ADRA1B: variants seen among roughly 807,000 people sequenced by gnomAD.
The protein encoded by ADRA1B is adrenoceptor alpha 1B, also known as alpha-1B adrenergic receptor.
ADRA1B carries 17 observed loss-of-function variants against 17.9 expected under a neutral mutation model. That is an observed-to-expected ratio of 0.95 (90% CI 0.65 to 1.42). The LOEUF is 1.42. Ranked by LOEUF, ADRA1B falls within the 40% of genes most tolerant of loss-of-function variation. The pLI, the probability that ADRA1B is intolerant of heterozygous loss-of-function variation, is 0.00. For missense variants in ADRA1B, 681 were observed against 722.1 expected, an observed-to-expected ratio of 0.94 and a Z score of 0.65; for synonymous variants, 366 against 327.6, an observed-to-expected ratio of 1.12 and a Z score of -1.27.
chr5:159,972,376 G>C lies in ADRA1B; in HGVS notation c.1447G>C (p.Glu483Gln). The change falls in exon 2 of 2, where the codon GAG becomes CAG. Residue 483 changes from glutamate (E) to glutamine (Q), a missense_variant. Glu to Gln is a conservative substitution (Grantham distance 29). This residue lies in a region of ADRA1B where 251 missense variants were observed against 224.9 expected (regional missense o/e 1.12). Coordinates refer to ENST00000306675, the MANE Select transcript of ADRA1B (RefSeq NM_000679.4). ...CACCTTCAAGCTCCTGACCGAGCCC[G>C]AGAGCCCCGGGACCGACGGCGGCGC... is the stretch of plus-strand genomic sequence containing the variant. ...LFTFKLLTEP[E>Q]SPGTDGGASN... 6.6e-7 allele frequency: 1 copy of C among 1,512,152 alleles called. No homozygotes were observed. The highest frequency in any genetic ancestry group is 8.8e-7 in the Non-Finnish European group (1 of 1,136,658). 93.7% of individuals were successfully genotyped at this position (1,512,152 alleles called of 1,614,324 possible).
At chr5:159,981,017 T>TG in the ADRA1B span, among the ~76,000 whole-genome samples, 383 of 152,232 alleles carry the variant, frequency 2.5e-3, no homozygotes, top group Non-Finnish European at 4.5e-3. Flanking sequence ...GAGCAAATGT[T>TG]GGGGGCAAAA....
At chr5:159,878,667 T>G (rs1398566053) in intron 1 of ADRA1B, among the ~76,000 whole-genome samples, 1 of 152,144 alleles carries the variant, frequency 6.6e-6, no homozygotes, top group African/African-American at 2.4e-5. Flanking sequence ...AAACTGAGGC[T>G]TGGAGAGATT....
intron 1 of ADRA1B, among the ~76,000 whole-genome samples, chr5:159,880,811 T>C (rs889492197): frequency 2.0e-5 from 3 of 152,188 alleles, no homozygotes; most frequent in African/African-American, 7.2e-5. Flanking sequence ...AGCCAGGCCA[T>C]TCCACACTTG....
chr5:159,866,166 C>T (rs1373324470), intron 1 of ADRA1B, among the ~76,000 whole-genome samples: 4 of 151,810 alleles, frequency 2.6e-5, no homozygotes, highest in Non-Finnish European at 5.9e-5. Context: ...ATTAGCCACC[C>T]ATGGTGGTTT....
chr5:159,928,474 C>A (rs771413071), intron 1 of ADRA1B, among the ~76,000 whole-genome samples: 1 of 152,162 alleles, frequency 6.6e-6, no homozygotes, highest in Non-Finnish European at 1.5e-5. Context: ...GTTGCACCAA[C>A]GAGCAGTTCA....
upstream of ADRA1B, among the ~76,000 whole-genome samples, chr5:159,915,710 C>G (rs1360851711): frequency 1.3e-5 from 2 of 152,212 alleles, no homozygotes; most frequent in African/African-American, 4.8e-5. Flanking sequence ...ACCCACTTAA[C>G]ATTTCAAATC....
At chr5:159,899,279 G>GAAGGAAGGAAGGAAGGAAGA (rs1754073192) in intron 1 of ADRA1B, among the ~76,000 whole-genome samples, 8 of 138,738 alleles carry the variant, frequency 5.8e-5, no homozygotes, top group African/African-American at 2.3e-4. Flanking sequence ...AGGAAGGAAG[G>GAAGGAAGGAAGGAAGGAAGA]AAGGAAGGAA....
At chr5:159,918,665 A>C (rs1346138283) in intron 1 of ADRA1B, among the ~76,000 whole-genome samples, 3 of 152,200 alleles carry the variant, frequency 2.0e-5, no homozygotes, top group Non-Finnish European at 4.4e-5. Context: ...CTCTTATGAA[A>C]ACATGTTCGT....
upstream of ADRA1B, among the ~76,000 whole-genome samples, chr5:159,914,425 G>A (rs1338119030): frequency 6.6e-6 from 1 of 152,212 alleles, no homozygotes; most frequent in African/African-American, 2.4e-5. Flanking sequence ...AACACAGGAA[G>A]ATAAGCAAAC....
intron 1 of ADRA1B, among the ~76,000 whole-genome samples, chr5:159,928,726 C>A (rs903823597): frequency 6.6e-6 from 1 of 152,120 alleles, no homozygotes; most frequent in Non-Finnish European, 1.5e-5. Flanking sequence ...GCACCCTGGC[C>A]GTGCCCCAAA....
chr5:159,900,936 G>A (rs1321970968), intron 1 of ADRA1B, among the ~76,000 whole-genome samples: 1 of 152,152 alleles, frequency 6.6e-6, no homozygotes, highest in Non-Finnish European at 1.5e-5. Context: ...GGTTTGAGAA[G>A]AATAATGAAA....
At chr5:159,960,487 T>C (rs997239487) in intron 1 of ADRA1B, among the ~76,000 whole-genome samples, 2 of 152,172 alleles carry the variant, frequency 1.3e-5, no homozygotes, top group Non-Finnish European at 2.9e-5. Flanking sequence ...AAATAGTTCT[T>C]AAAAGTAAAA....
chr5:159,908,710 G>T (rs1754193314), intron 1 of ADRA1B, among the ~76,000 whole-genome samples: 1 of 152,216 alleles, frequency 6.6e-6, no homozygotes, highest in South Asian at 2.1e-4. Flanking sequence ...CGGAAGTGTT[G>T]TTCGGAGAAT....
At chr5:159,935,216 T>A (rs1347563782) in intron 1 of ADRA1B, among the ~76,000 whole-genome samples, 3 of 152,184 alleles carry the variant, frequency 2.0e-5, no homozygotes, top group African/African-American at 4.8e-5. Context: ...AAGCTAAAGT[T>A]TTTTTAGAGT....
intron 1 of ADRA1B, among the ~76,000 whole-genome samples, chr5:159,965,937 G>A (rs910681198): frequency 6.6e-6 from 1 of 152,040 alleles, no homozygotes; most frequent in Non-Finnish European, 1.5e-5. Flanking sequence ...GAGCATTTTG[G>A]CTAATTTGTG....
chr5:159,871,014 G>A (rs1461312378), intron 1 of ADRA1B: 2 of 152,158 alleles, frequency 1.3e-5, no homozygotes, highest in African/African-American at 2.4e-5. Flanking sequence ...CTCATCCTGT[G>A]GGAAGACCAT....
chr5:159,980,304 C>T, the ADRA1B span, among the ~76,000 whole-genome samples: 1 of 152,120 alleles, frequency 6.6e-6, no homozygotes, highest in Non-Finnish European at 1.5e-5. Context: ...ACAATAATCT[C>T]CACCCGAAAG....
intron 1 of ADRA1B, chr5:159,951,051 A>T (rs913683470): frequency 2.8e-6 from 2 of 707,602 alleles, no homozygotes; most frequent in Non-Finnish European, 5.2e-6. Context: ...GTGGTGCAGG[A>T]GGCATAGCTG....
chr5:159,951,353 A>G (rs1755433555), intron 1 of ADRA1B: 1 of 1,097,032 alleles, frequency 9.1e-7, no homozygotes, highest in Non-Finnish European at 1.4e-6. Context: ...GGGTGGAATC[A>G]TACTCGAACA....
Sources: gnomAD v4.1 joint callset for allele counts (sites outside exome capture counted in the v4.1 genomes callset) on GRCh38, gnomAD v4.1.1 for gene constraint, gnomAD v4.1.1 regional missense constraint, MANE v1.5 for transcripts, NCBI Gene and HGNC (gene_info 2026-07-23, HGNC 2026-07-21) for gene names.